The following GRM7 variants were observed in gnomAD, a reference collection of about 807,000 sequenced individuals.
GRM7 encodes the protein glutamate metabotropic receptor 7.
GRM7 carries 35 observed loss-of-function variants against 84.5 expected under a neutral mutation model. The observed-to-expected ratio is 0.41, with a 90% confidence interval of 0.32 to 0.55. The LOEUF is 0.55. Ranked by LOEUF, GRM7 falls within the 20% of genes least tolerant of loss-of-function variation. GRM7 has a pLI of 0.19. For missense variants in GRM7, 1,003 were observed against 1,194.6 expected (o/e 0.84, Z 2.36); for synonymous variants, 487 against 455.1 (o/e 1.07, Z -0.89).
At chr3:7,344,254 C>G (rs1692785552) in intron 4 of GRM7, among the ~76,000 whole-genome samples, 2 of 152,228 alleles carry the variant, frequency 1.3e-5, no homozygotes, top group African/African-American at 4.8e-5. Context: ...CACCCTCTAC[C>G]CTCTGACAGG....
At chr3:7,592,466 A>G (rs1256307871) in intron 8 of GRM7, among the ~76,000 whole-genome samples, 1 of 152,182 alleles carries the variant, frequency 6.6e-6, no homozygotes, top group Non-Finnish European at 1.5e-5. Flanking sequence ...TATTTGGGAA[A>G]TGACTAGAAG....
chr3:7,276,795 C>CTCCCTCCCTTCCCTTCCCTTCCT (rs1553641242), intron 2 of GRM7, among the ~76,000 whole-genome samples: 1 of 5,152 alleles, frequency 1.9e-4, no homozygotes, highest in Non-Finnish European at 3.6e-4. Flanking sequence ...TCCTTCCTTC[C>CTCCCTCCCTTCCCTTCCCTTCCT]TTCCTTCCTT....
At chr3:7,144,818 G>C (rs1694057347) in intron 1 of GRM7, among the ~76,000 whole-genome samples, 1 of 152,134 alleles carries the variant, frequency 6.6e-6, no homozygotes, top group Non-Finnish European at 1.5e-5. Flanking sequence ...TAATTGACAA[G>C]TTGCTCAGGT....
intron 7 of GRM7, among the ~76,000 whole-genome samples, chr3:7,462,932 C>G (rs991375528): frequency 6.6e-6 from 1 of 152,102 alleles, no homozygotes; most frequent in Non-Finnish European, 1.5e-5. Flanking sequence ...GAATCCAAGG[C>G]ACACTAAACT....
chr3:7,474,484 C>T (rs961864724), intron 7 of GRM7, among the ~76,000 whole-genome samples: 24 of 151,368 alleles, frequency 1.6e-4, no homozygotes, highest in African/African-American at 5.8e-4. Context: ...TAACCCCCCA[C>T]CAAAAACAAC....
At chr3:7,427,328 G>T (rs1483872124) in intron 5 of GRM7, among the ~76,000 whole-genome samples, 1 of 152,124 alleles carries the variant, frequency 6.6e-6, no homozygotes, top group Non-Finnish European at 1.5e-5. Context: ...GTTACGTTCA[G>T]TGCTCTTATG....
At chr3:7,071,547 G>A (rs1223066804) in intron 1 of GRM7, among the ~76,000 whole-genome samples, 1 of 151,960 alleles carries the variant, frequency 6.6e-6, no homozygotes, top group Non-Finnish European at 1.5e-5. Context: ...TCTCGGGTGA[G>A]CCATATCTAA....
At chr3:7,464,322 G>A (rs1698373487) in intron 7 of GRM7, among the ~76,000 whole-genome samples, 1 of 152,126 alleles carries the variant, frequency 6.6e-6, no homozygotes, top group Non-Finnish European at 1.5e-5. Flanking sequence ...GTAGAAGGGA[G>A]AAAATCAAGA....
chr3:7,448,392 T>A (rs1471705336), intron 5 of GRM7, among the ~76,000 whole-genome samples: 1 of 152,178 alleles, frequency 6.6e-6, no homozygotes, highest in Non-Finnish European at 1.5e-5. Context: ...TATCCCTTGT[T>A]CCTAAACCAG....
At chr3:7,244,500 CA>C (rs1559523875) in intron 2 of GRM7, among the ~76,000 whole-genome samples, 3 of 152,052 alleles carry the variant, frequency 2.0e-5, no homozygotes, top group Non-Finnish European at 4.4e-5. Context: ...AGCAACTGTC[CA>C]TTTTTTTTGA....
intron 2 of GRM7, among the ~76,000 whole-genome samples, chr3:7,166,214 C>A (rs913032242): frequency 6.7e-6 from 1 of 150,256 alleles, no homozygotes; most frequent in Non-Finnish European, 1.5e-5. Flanking sequence ...GGAAAATGAG[C>A]TATTTCCAGG....
chr3:7,539,548 T>C (rs945829637), intron 7 of GRM7, among the ~76,000 whole-genome samples: 8 of 151,660 alleles, frequency 5.3e-5, no homozygotes, highest in African/African-American at 1.9e-4. Flanking sequence ...TGGTGGCAGG[T>C]GCCTGTAATC....
chr3:6,871,170 G>T (rs1695107275), intron 1 of GRM7, among the ~76,000 whole-genome samples: 1 of 152,058 alleles, frequency 6.6e-6, no homozygotes, highest in African/African-American at 2.4e-5. Context: ...AATTATTCTG[G>T]TCAGACACCA....
intron 1 of GRM7, among the ~76,000 whole-genome samples, chr3:7,074,254 C>G (rs1165898049): frequency 6.6e-6 from 1 of 152,100 alleles, no homozygotes; most frequent in Non-Finnish European, 1.5e-5. Context: ...AGATGTTGCA[C>G]TAGCGGTGAG....
chr3:7,266,858 A>G (rs1453927987), intron 2 of GRM7, among the ~76,000 whole-genome samples: 1 of 152,200 alleles, frequency 6.6e-6, no homozygotes, highest in Admixed American at 6.5e-5. Flanking sequence ...AAGTATTCTC[A>G]AATAAGTTTT....
chr3:7,343,544 C>T (rs1041805579), intron 4 of GRM7, among the ~76,000 whole-genome samples: 5 of 151,468 alleles, frequency 3.3e-5, no homozygotes, highest in African/African-American at 9.8e-5. Context: ...TACTATGGTA[C>T]AAATTGCTTG....
rs143115757 is a variant in GRM7 at position 7,054,308 on chromosome 3, A to G, written c.520-92144A>G. ...CATAAAAGATAAGATTAAAATATATATCTTTTATGATATATATGACATCTA... is the reference window on the plus strand; with the variant it reads ...CATAAAAGATAAGATTAAAATATATGTCTTTTATGATATATATGACATCTA... On this transcript the variant is annotated intron_variant, in intron 1 of 9. Transcript: ENST00000357716. Among the ~76,000 whole-genome samples the G allele has an allele frequency of 2.9e-3, 426 of 149,306 alleles. 3 individuals are homozygous for G. Among genetic ancestry groups the G allele is most frequent in the African/African-American group, 9.8e-3 (403 of 41,004 alleles).
At chr3:7,543,049 T>C (rs1372624216) in intron 7 of GRM7, among the ~76,000 whole-genome samples, 1 of 152,188 alleles carries the variant, frequency 6.6e-6, no homozygotes, top group Non-Finnish European at 1.5e-5. Context: ...ACAAGAAGTT[T>C]TTATTTGAAT....
intron 3 of GRM7, among the ~76,000 whole-genome samples, chr3:7,304,901 T>C (rs62237060): frequency 0.47 from 71,959 of 151,954 alleles, 18,729 homozygotes; most frequent in Non-Finnish European, 0.6. Context: ...TTTTCCTCAA[T>C]AATGAGTGTC....
Sources: allele counts gnomAD v4.1 joint callset (sites outside exome capture counted in the v4.1 genomes callset), GRCh38; gene constraint gnomAD v4.1.1; transcripts MANE v1.5; gene names NCBI Gene and HGNC (gene_info 2026-07-23, HGNC 2026-07-21).